SPAG16: variants seen among roughly 807,000 people sequenced by gnomAD.
SPAG16 encodes sperm-associated antigen 16 protein.
SPAG16 carries 86 observed loss-of-function variants against 80.4 expected under a neutral mutation model. That is an observed-to-expected ratio of 1.07 (90% CI 0.90 to 1.28). The LOEUF is 1.28. SPAG16 is among the 50% of genes most tolerant of loss of function. The probability of loss-of-function intolerance (pLI) is 0.00; values close to 1 mark genes in which losing one functional copy is unlikely to be tolerated. For missense variants in SPAG16, 870 were observed against 765.3 expected (o/e 1.14, Z -1.61); for synonymous variants, 294 against 265.9 (o/e 1.11, Z -1.03).
At chr2:213,778,592 A>G (rs566310763) in intron 10 of SPAG16, among the ~76,000 whole-genome samples, 13 of 152,282 alleles carry the variant, frequency 8.5e-5, no homozygotes, top group South Asian at 8.3e-4. Flanking sequence ...TCCACTGGCC[A>G]TAAGTCAAGA....
At chr2:213,428,241 G>A (rs1317435926) in intron 9 of SPAG16, among the ~76,000 whole-genome samples, 1 of 152,078 alleles carries the variant, frequency 6.6e-6, no homozygotes, top group Non-Finnish European at 1.5e-5. Flanking sequence ...TATAGGAGAG[G>A]GAGAAAAAGT....
chr2:214,352,693 T>C (rs1698505494), intron 15 of SPAG16, among the ~76,000 whole-genome samples: 1 of 152,172 alleles, frequency 6.6e-6, no homozygotes, highest in Non-Finnish European at 1.5e-5. Context: ...ATTTAAAGTA[T>C]ACATAAAAAA....
At chr2:213,888,047 A>G (rs1432790893) in intron 11 of SPAG16, among the ~76,000 whole-genome samples, 3 of 151,864 alleles carry the variant, frequency 2.0e-5, no homozygotes, top group Admixed American at 2.0e-4. Flanking sequence ...TTTAGTTTGT[A>G]TTTCTTTCAG....
chr2:213,383,685 C>T (rs2067288977), intron 9 of SPAG16, among the ~76,000 whole-genome samples: 1 of 152,166 alleles, frequency 6.6e-6, no homozygotes, highest in African/African-American at 2.4e-5. Flanking sequence ...ACATATAAGA[C>T]ATGAACTACT....
intron 15 of SPAG16, among the ~76,000 whole-genome samples, chr2:214,214,550 T>C (rs922019343): frequency 3.3e-5 from 5 of 152,110 alleles, no homozygotes; most frequent in African/African-American, 7.2e-5. Flanking sequence ...GTCTCCTCTC[T>C]GATTCACCTA....
chr2:213,445,457 A>T (rs892416425), intron 9 of SPAG16, among the ~76,000 whole-genome samples: 45 of 152,046 alleles, frequency 3.0e-4, no homozygotes, highest in African/African-American at 1.0e-3. Context: ...AGGTCAGGAG[A>T]TCGAGACCAG....
chr2:213,922,622 A>G (rs2078276565), intron 11 of SPAG16, among the ~76,000 whole-genome samples: 1 of 152,164 alleles, frequency 6.6e-6, no homozygotes, highest in South Asian at 2.1e-4. Flanking sequence ...AAGTTGTCAG[A>G]GTTCTTTCAC....
At chr2:213,959,473 C>G (rs905367883) in intron 12 of SPAG16, among the ~76,000 whole-genome samples, 5 of 152,166 alleles carry the variant, frequency 3.3e-5, no homozygotes, top group Non-Finnish European at 7.4e-5. Flanking sequence ...GTGACCCAAA[C>G]CCTAACACAC....
At chr2:214,116,495 C>G (rs531529876) in intron 14 of SPAG16, among the ~76,000 whole-genome samples, 2 of 152,108 alleles carry the variant, frequency 1.3e-5, no homozygotes, top group Non-Finnish European at 2.9e-5. Context: ...TGCACACTCA[C>G]GTGGGCCAGT....
At chr2:213,535,760 A>T (rs1366937178) in intron 10 of SPAG16, among the ~76,000 whole-genome samples, 8 of 152,156 alleles carry the variant, frequency 5.3e-5, no homozygotes, top group African/African-American at 1.9e-4. Context: ...TTCTTTAGCA[A>T]TTAAGAGTGC....
At chr2:213,890,836 GA>G (rs778450981) in intron 11 of SPAG16, among the ~76,000 whole-genome samples, 2 of 151,732 alleles carry the variant, frequency 1.3e-5, no homozygotes, top group Non-Finnish European at 2.9e-5. Flanking sequence ...GTTAAATTTT[GA>G]TGTGTTAAAG....
intron 10 of SPAG16, among the ~76,000 whole-genome samples, chr2:213,498,017 G>A (rs916330136): frequency 6.6e-6 from 1 of 152,118 alleles, no homozygotes; most frequent in Non-Finnish European, 1.5e-5. Flanking sequence ...TTGTAATGCA[G>A]AATGTCAGAG....
intron 15 of SPAG16, among the ~76,000 whole-genome samples, chr2:214,395,732 T>A (rs1295444443): frequency 6.6e-6 from 1 of 152,020 alleles, no homozygotes; most frequent in African/African-American, 2.4e-5. Flanking sequence ...CCTTTTTGTG[T>A]CCTTGTGTTC....
intron 10 of SPAG16, among the ~76,000 whole-genome samples, chr2:213,517,866 A>G (rs1328141144): frequency 6.6e-6 from 1 of 152,174 alleles, no homozygotes; most frequent in African/African-American, 2.4e-5. Flanking sequence ...AGAAAACCCT[A>G]GGAAGTTCCC....
At chr2:214,246,993 A>C (rs992733058) in intron 15 of SPAG16, among the ~76,000 whole-genome samples, 1 of 152,178 alleles carries the variant, frequency 6.6e-6, no homozygotes, top group Non-Finnish European at 1.5e-5. Context: ...TCATATCATG[A>C]ACTCATTAAA....
intron 15 of SPAG16, among the ~76,000 whole-genome samples, chr2:214,167,574 A>G (rs572605464): frequency 7.2e-5 from 11 of 152,158 alleles, no homozygotes; most frequent in Non-Finnish European, 1.6e-4. Flanking sequence ...CTCAAAACAC[A>G]GTAACATTTA....
chr2:213,379,485 A>G (rs1297725315), intron 9 of SPAG16, among the ~76,000 whole-genome samples: 8 of 152,214 alleles, frequency 5.3e-5, no homozygotes, highest in Non-Finnish European at 8.8e-5. Context: ...CTTTAGCCAT[A>G]AAGTGAGTGC....
chr2:213,495,429 C>T (rs1404302717), intron 10 of SPAG16, among the ~76,000 whole-genome samples: 1 of 152,106 alleles, frequency 6.6e-6, no homozygotes, highest in Non-Finnish European at 1.5e-5. Flanking sequence ...GATGTTAGGC[C>T]ACATATGATA....
chr2:213,909,554 G>A (rs980067011), intron 11 of SPAG16, among the ~76,000 whole-genome samples: 8 of 151,874 alleles, frequency 5.3e-5, no homozygotes, highest in African/African-American at 1.9e-4. Flanking sequence ...ACAGAACAGA[G>A]CCCTCAGAAA....
Sources: allele counts gnomAD v4.1 joint callset (sites outside exome capture counted in the v4.1 genomes callset), GRCh38; gene constraint gnomAD v4.1.1; transcripts MANE v1.5; gene names NCBI Gene and HGNC (gene_info 2026-07-23, HGNC 2026-07-21).